The following GADL1 variants were observed in gnomAD, a reference collection of about 807,000 sequenced individuals.
GADL1 encodes acidic amino acid decarboxylase GADL1.
In GADL1, 71 loss-of-function variants were observed where a neutral mutation model predicts 69.5. The ratio of observed to expected loss-of-function variants is 1.02; its 90% CI spans 0.84 to 1.25. GADL1 has a LOEUF of 1.25. GADL1 is among the 50% of genes most tolerant of loss of function. The pLI, the probability that GADL1 is intolerant of heterozygous loss-of-function variation, is 0.00. For synonymous variants in GADL1, 254 were observed against 214.4 expected (o/e 1.18, Z -1.62); for missense variants, 737 against 631.8 (o/e 1.17, Z -1.79).
In GADL1 at chr3:30,880,598, T is replaced by C. The variant is rs556748531; in HGVS notation, c.37+13980A>G. ...TGGAATTGTGATTCCATTAAACCTC[T>C]TTCTTTTATAAGTAACCCAGTCTCA... On this transcript the variant is annotated intron_variant, in intron 1 of 14. Coordinates refer to ENST00000282538, the MANE Select transcript of GADL1 (RefSeq NM_207359.3). Among the ~76,000 whole-genome samples the C allele has an allele frequency of 9.3e-4, 141 of 152,090 alleles. 2 individuals carry two copies. The highest frequency in any genetic ancestry group is 3.2e-3 in the African/African-American group (131 of 41,542).
intron 14 of GADL1, among the ~76,000 whole-genome samples, chr3:30,747,507 T>A (rs543754621): frequency 2.0e-5 from 3 of 152,192 alleles, no homozygotes; most frequent in Admixed American, 6.5e-5. Flanking sequence ...TAAATTCACA[T>A]CTACCCATAC....
chr3:30,736,469 AG>A (rs1695543082), intron 14 of GADL1, among the ~76,000 whole-genome samples: 1 of 152,198 alleles, frequency 6.6e-6, no homozygotes, highest in Non-Finnish European at 1.5e-5. Flanking sequence ...ACTCACTAAT[AG>A]GAACTAATAT....
chr3:30,851,316 T>C (rs993042837), intron 4 of GADL1, among the ~76,000 whole-genome samples: 5 of 152,142 alleles, frequency 3.3e-5, no homozygotes, highest in African/African-American at 7.2e-5. Context: ...AGAAAATCCA[T>C]TGTCATGGTA....
intron 1 of GADL1, among the ~76,000 whole-genome samples, chr3:30,891,562 G>A (rs1192936114): frequency 2.6e-5 from 4 of 152,098 alleles, no homozygotes; most frequent in Non-Finnish European, 5.9e-5. Context: ...GGTGTTAGGA[G>A]TGTAGGGGTG....
rs1283214598 is a variant in GADL1, at chr3:30,727,137, A to G, written c.*1105T>C. ...TATGTATGTGTGTGTATATATATAC[A>G]TATATATGTATATATGTATATCACA... On this transcript the variant is annotated 3_prime_UTR_variant, in exon 15 of 15. Transcript: ENST00000282538. The G allele has an allele frequency of 2.0e-5, 3 of 150,032 alleles. No homozygotes were observed. In the East Asian group the frequency reaches 5.8e-4, roughly 29 times the overall value. The allele number at this position is 150,032 out of a possible 1,614,324, so 9.3% of individuals were successfully genotyped here. A position where few individuals can be genotyped will look rare whatever the true frequency, so the allele number is the denominator to read the frequency against.
chr3:30,779,342 TA>T (rs1322205947), intron 13 of GADL1, among the ~76,000 whole-genome samples: 1 of 152,242 alleles, frequency 6.6e-6, no homozygotes, highest in East Asian at 1.9e-4. Context: ...CAGTTTGTAA[TA>T]ACCAATGTTG....
At chr3:30,760,577 C>T (rs1417364157) in intron 14 of GADL1, among the ~76,000 whole-genome samples, 3 of 152,156 alleles carry the variant, frequency 2.0e-5, no homozygotes, top group African/African-American at 7.2e-5. Flanking sequence ...GCCATCTATA[C>T]ACAAAATCTG....
Position 30,770,813 on chromosome 3 carries a change from CAAGAGAA to C in GADL1, c.1392+7359_1392+7365del, listed in dbSNP as rs559876899. Among the ~76,000 whole-genome samples, 261 of 151,718 alleles carry C rather than the reference CAAGAGAA, an allele frequency of 1.7e-3. 2 individuals are homozygous for C. Among genetic ancestry groups the C allele is most frequent in the African/African-American group, 6.2e-3 (254 of 41,252 alleles). On this transcript the variant is annotated intron_variant, in intron 14 of 14. Coordinates refer to ENST00000282538, the MANE Select transcript of GADL1 (RefSeq NM_207359.3). ...ATAAATTAGAACAATCCAACAGAAA[CAAGAGAA>C]GAGAGGCTGTTAAGCTCAAGGAAAG...
At chr3:30,817,873 T>C (rs546017631) in intron 11 of GADL1, among the ~76,000 whole-genome samples, 12 of 152,320 alleles carry the variant, frequency 7.9e-5, no homozygotes, top group African/African-American at 2.9e-4. Context: ...TAATGAAATG[T>C]ACTGGGAAGA....
intron 6 of GADL1, among the ~76,000 whole-genome samples, chr3:30,847,493 CTTCT>C: frequency 6.6e-6 from 1 of 152,266 alleles, no homozygotes; most frequent in South Asian, 2.1e-4. Context: ...TAAACACAAC[CTTCT>C]TTAATTCTTT....
At chr3:30,854,900 G>A (rs1455249009) in intron 3 of GADL1, 111 bp from the exon 4 acceptor site, 2 of 635,416 alleles carry the variant, frequency 3.1e-6, no homozygotes, top group African/African-American at 3.7e-5. Context: ...ACACACAGAA[G>A]AGTTATATAT....
chr3:30,752,545 C>G (rs540419366), intron 14 of GADL1, among the ~76,000 whole-genome samples: 1 of 152,294 alleles, frequency 6.6e-6, no homozygotes, highest in South Asian at 2.1e-4. Flanking sequence ...CTTTAAATCA[C>G]CATAACCACT....
chr3:30,832,563 G>A (rs370571124), intron 11 of GADL1, among the ~76,000 whole-genome samples: 34 of 152,092 alleles, frequency 2.2e-4, no homozygotes, highest in African/African-American at 6.3e-4. Context: ...CAGATTGGCC[G>A]ATTTAGGTAG....
intron 14 of GADL1, among the ~76,000 whole-genome samples, chr3:30,762,221 G>A (rs556528325): frequency 7.4e-4 from 113 of 152,304 alleles, no homozygotes; most frequent in African/African-American, 2.6e-3. Flanking sequence ...GGGTAGTGAC[G>A]ATGCTAGGAG....
chr3:30,823,822 T>C (rs1697634057), intron 11 of GADL1, among the ~76,000 whole-genome samples: 1 of 151,892 alleles, frequency 6.6e-6, no homozygotes, highest in Non-Finnish European at 1.5e-5. Flanking sequence ...AAGAATCCAT[T>C]AGAAATTATA....
chr3:30,829,921 G>A (rs1320911197), intron 11 of GADL1, among the ~76,000 whole-genome samples: 1 of 151,758 alleles, frequency 6.6e-6, no homozygotes, highest in Non-Finnish European at 1.5e-5. Context: ...TAAAGGAGAG[G>A]AACAGAGTCT....
intron 11 of GADL1, among the ~76,000 whole-genome samples, chr3:30,827,527 A>G (rs1237758037): frequency 2.0e-5 from 3 of 151,896 alleles, no homozygotes; most frequent in Non-Finnish European, 1.5e-5. Context: ...TAAAAATGTT[A>G]TTGGTTTGTT....
At chr3:30,820,613 A>AG (rs1697556321) in intron 11 of GADL1, among the ~76,000 whole-genome samples, 3 of 152,184 alleles carry the variant, frequency 2.0e-5, no homozygotes, top group Non-Finnish European at 4.4e-5. Context: ...CAAAACATGC[A>AG]GGATCCTCTA....
At chr3:30,821,704 A>G (rs1246327391) in intron 11 of GADL1, among the ~76,000 whole-genome samples, 2 of 151,882 alleles carry the variant, frequency 1.3e-5, no homozygotes, top group African/African-American at 4.8e-5. Context: ...TAAGTTTTTG[A>G]AAACTGGAAG....
Sources: allele counts gnomAD v4.1 joint callset (sites outside exome capture counted in the v4.1 genomes callset), GRCh38; gene constraint gnomAD v4.1.1; transcripts MANE v1.5; gene names NCBI Gene and HGNC (gene_info 2026-07-23, HGNC 2026-07-21).